Variants in TXNL4B observed in about 807,000 individuals in gnomAD.
The protein encoded by TXNL4B is thioredoxin-like protein 4B.
TXNL4B carries 12 observed loss-of-function variants against 13.0 expected under a neutral mutation model. That is an observed-to-expected ratio of 0.92 (90% confidence interval 0.59 to 1.49). TXNL4B has a LOEUF of 1.49. Ranked by LOEUF, TXNL4B falls within the 40% of genes most tolerant of loss-of-function variation. TXNL4B has a pLI of 0.00. For missense variants in TXNL4B, 214 were observed against 173.6 expected, an observed-to-expected ratio of 1.23 and a Z score of -1.31; for synonymous variants, 59 against 58.9, an observed-to-expected ratio of 1.00 and a Z score of -0.01.
upstream of TXNL4B, chr16:72,094,025 AG>A (rs966903505): frequency 6.6e-6 from 1 of 152,336 alleles, no homozygotes; most frequent in African/African-American, 2.4e-5. Context: ...CCGGGACAGA[AG>A]GGTCCCAAGA....
Position 72,085,035 on chromosome 16 carries a change from T to C in TXNL4B, c.*1602A>G, listed in dbSNP as rs1284881366. The C allele has an allele frequency of 1.0e-5, 4 of 398,452 alleles. No homozygotes were observed. Among genetic ancestry groups the C allele is most frequent in the Non-Finnish European group, 1.3e-5 (3 of 226,054 alleles). 24.7% of individuals were successfully genotyped at this position (398,452 alleles called of 1,614,324 possible). On this transcript the variant is annotated 3_prime_UTR_variant, in exon 4 of 4. Transcript: ENST00000268483. ...ATGGCTGTTGTAGCTCCATGCATCA[T>C]GATTAAACCAGAGACAGGAAGTGTA...
At chr16:72,086,832 C>CT (rs2041830671) in intron 3 of TXNL4B, 30 bp from the exon 4 acceptor site, 2 of 1,468,500 alleles carry the variant, frequency 1.4e-6, no homozygotes, top group Non-Finnish European at 1.8e-6. Context: ...AACAACTGCT[C>CT]TAAGAACTTT....
At chr16:72,087,053 C>T (rs2041833344) in intron 3 of TXNL4B, among the ~76,000 whole-genome samples, 2 of 152,314 alleles carry the variant, frequency 1.3e-5, no homozygotes, top group South Asian at 4.1e-4. Flanking sequence ...CTATTGTAAT[C>T]ACAAAATCTA....
In TXNL4B at chr16:72,089,083, A is replaced by G. The variant is rs1422170860; in HGVS notation, c.188T>C (p.Val63Ala). 2.5e-6 allele frequency: 4 copies of G among 1,612,728 alleles called. No homozygotes were observed. Among genetic ancestry groups the G allele is most frequent in the Non-Finnish European group, 3.4e-6 (4 of 1,178,834 alleles). ...SKMAAIYLVD[V>A]DQTAVYTQYF... ...CTGTGTATAAACTGCAGTTTGGTCC[A>G]CATCTACCAGGTATATAGCAGCCAT... The change falls in exon 3 of 4, where the codon GTG becomes GCG. Residue 63 changes from valine to alanine, a missense_variant. Physicochemically the swap from Val to Ala is moderately conservative, Grantham distance 64. Transcript: ENST00000268483.
chr16:72,093,427 G>A lies in TXNL4B; in HGVS notation c.-98C>T, dbSNP rs1016385237. 6.6e-6 allele frequency: 1 copy of A among 152,308 alleles called. No individual in the cohort carries two copies. Among genetic ancestry groups the A allele is most frequent in the African/African-American group, 2.4e-5 (1 of 41,454 alleles). The allele number at this position is 152,308 out of a possible 1,614,324, so 9.4% of individuals were successfully genotyped here. A position where few individuals can be genotyped will look rare whatever the true frequency, so the allele number is the denominator to read the frequency against. ...TGTGGCTGTCAGCAACCACTTCTCG[G>A]AAGAGCCCGGGCGCGGACAGCTCCT... On this transcript the variant is annotated 5_prime_UTR_variant, in exon 1 of 4. Coordinates refer to ENST00000268483, the MANE Select transcript of TXNL4B (RefSeq NM_017853.3).
At position 72,086,087 on chromosome 16, in the gene TXNL4B, T is replaced by C. The variant is rs1257130845; in HGVS notation, c.*550A>G. 6.6e-6 allele frequency: 1 copy of C among 151,890 alleles called. No homozygotes were observed. The highest frequency in any genetic ancestry group is 2.4e-5 in the African/African-American group (1 of 41,332). The allele number at this position is 151,890 out of a possible 1,614,324, so 9.4% of individuals were successfully genotyped here. ...AAGGCTCCAAAATAAAACAAACTTG[T>C]CTGCTCAATTAATTATTTGAAGAGA... On this transcript the variant is annotated 3_prime_UTR_variant, in exon 4 of 4. Transcript: ENST00000268483.
chr16:72,090,753 GAAATAACCC>G lies in TXNL4B; in HGVS notation c.-13_-5del, dbSNP rs2041892924. On this transcript the variant is annotated 5_prime_UTR_variant, in exon 2 of 4. Transcript: ENST00000268483. Reference sequence around the variant, plus strand: ...GCTTGGGCAGTAGGAAGCTCATCTTGAAATAACCCAAATGTGAATCCTCACTGTCACTCC... The same window carrying G: ...GCTTGGGCAGTAGGAAGCTCATCTTGAAATGTGAATCCTCACTGTCACTCC... 2.5e-6 allele frequency: 4 copies of G among 1,613,820 alleles called. No individual in the cohort carries two copies. The South Asian group carries it at 4.4e-5, about 18-fold the overall frequency.
At chr16:72,087,933 C>T (rs563044013) in intron 3 of TXNL4B, among the ~76,000 whole-genome samples, 1 of 152,274 alleles carries the variant, frequency 6.6e-6, no homozygotes, top group African/African-American at 2.4e-5. Context: ...CATTTTTCTG[C>T]CTCAGCCTCC....
rs1383937480 is a variant in TXNL4B at position 72,090,645 on chromosome 16, A to C, written c.105T>G (p.Asp35Glu). 1 of 1,614,152 alleles carries C rather than the reference A, an allele frequency of 6.2e-7. No homozygotes were observed. Among genetic ancestry groups the C allele is most frequent in the Non-Finnish European group, 8.5e-7 (1 of 1,179,996 alleles). ...VLVLRFGRDEDPVCLQLDDIL... is the reference protein window; with the variant it reads ...VLVLRFGRDEEPVCLQLDDIL... ...TATCATCTAGCTGCAGACAGACAGG[A>C]TCTTCATCTCTCCCAAACCTGAGAA... The change falls in exon 2 of 4, where the codon GAT becomes GAG. Residue 35 changes from aspartate (D) to glutamate (E), a missense_variant. Coordinates refer to ENST00000268483, the MANE Select transcript of TXNL4B (RefSeq NM_017853.3).
upstream of TXNL4B, chr16:72,094,122 C>G (rs2041968642): frequency 1.3e-5 from 2 of 152,634 alleles, no homozygotes; most frequent in South Asian, 4.1e-4. Flanking sequence ...GGATATTGGT[C>G]CCCTGCTCAG....
In TXNL4B at chr16:72,086,566, C is replaced by T; in HGVS notation, c.*71G>A. ...ACATGTTTCCAAAGGACTCCAGAAACACAGCACAGCTGGATTCAGGTACTG... is the reference window on the plus strand; with the variant it reads ...ACATGTTTCCAAAGGACTCCAGAAATACAGCACAGCTGGATTCAGGTACTG... On this transcript the variant is annotated 3_prime_UTR_variant, in exon 4 of 4. Transcript: ENST00000268483. 4 of 1,450,852 alleles carry T rather than the reference C, an allele frequency of 2.8e-6. No individual in the cohort carries two copies. Among genetic ancestry groups the T allele is most frequent in the East Asian group, 4.6e-5 (2 of 43,466 alleles). 89.9% of individuals were successfully genotyped at this position (1,450,852 alleles called of 1,614,324 possible).
rs912278503 is a variant in TXNL4B at position 72,085,331 on chromosome 16, C to G, written c.*1306G>C. On this transcript the variant is annotated 3_prime_UTR_variant, in exon 4 of 4. Transcript: ENST00000268483. ...GGTGGTCAGCGGCTGCTAGGCAGGT[C>G]ACAAGCTGCCTCACCCATGGCTCTC... is the stretch of plus-strand genomic sequence containing the variant. 2.7e-5 allele frequency: 7 copies of G among 263,404 alleles called. 1 individual carries two copies. The Admixed American group carries it at 2.7e-4, about 10-fold the overall frequency. 16.3% of individuals were successfully genotyped at this position (263,404 alleles called of 1,614,324 possible). A position where few individuals can be genotyped will look rare whatever the true frequency, so the allele number is the denominator to read the frequency against.
Position 72,090,667 on chromosome 16 carries a change from A to G in TXNL4B, c.83T>C (p.Leu28Pro). 1.2e-6 allele frequency: 2 copies of G among 1,614,214 alleles called. No individual in the cohort carries two copies. Among genetic ancestry groups the G allele is most frequent in the Non-Finnish European group, 1.7e-6 (2 of 1,180,038 alleles). ...AGGATCTTCATCTCTCCCAAACCTG[A>G]GAACCAACACCTTCTCAGCAGTACT... ...IKSTAEKVLV[L>P]RFGRDEDPVC... The change falls in exon 2 of 4, where the codon CTC (leucine) becomes CCC (proline). Residue 28 changes from leucine to proline, a missense_variant. By Grantham distance (98) the Leu-to-Pro change is moderately conservative. Transcript: ENST00000268483.
At chr16:72,087,739 AC>A (rs1393535862) in intron 3 of TXNL4B, among the ~76,000 whole-genome samples, 1 of 151,954 alleles carries the variant, frequency 6.6e-6, no homozygotes, top group Non-Finnish European at 1.5e-5. Context: ...TTCTCTGCTC[AC>A]TGCAACCTCC....
chr16:72,088,958 G>A, intron 3 of TXNL4B, 29 bp downstream of exon 3: 1 of 1,562,006 alleles, frequency 6.4e-7, no homozygotes, highest in Non-Finnish European at 8.7e-7. Flanking sequence ...TTACAAGGTT[G>A]CAATTAACTT....
Position 72,086,612 on chromosome 16 carries a change from T to A in TXNL4B, c.*25A>T. On this transcript the variant is annotated 3_prime_UTR_variant, in exon 4 of 4. Coordinates refer to ENST00000268483, the MANE Select transcript of TXNL4B (RefSeq NM_017853.3). ...TACTGTGTCAAGATGTGCCTTCTTC[T>A]TCATCTTTGACAGCAATTAATGTAC... is the stretch of plus-strand genomic sequence containing the variant. 6 of 1,597,290 alleles carry A rather than the reference T, an allele frequency of 3.8e-6. No individual in the cohort carries two copies. Among genetic ancestry groups the A allele is most frequent in the Non-Finnish European group, 4.3e-6 (5 of 1,166,132 alleles).
At chr16:72,091,029 T>G (rs1567598388) in intron 1 of TXNL4B, among the ~76,000 whole-genome samples, 1 of 152,218 alleles carries the variant, frequency 6.6e-6, no homozygotes, top group Non-Finnish European at 1.5e-5. Flanking sequence ...AGTTTTGTTA[T>G]GCATTCACCA....
Position 72,090,014 on chromosome 16 carries a change from C to T in TXNL4B, c.132+604G>A, listed in dbSNP as rs908271663. ...ATGACTGAGGGTAGAATCCTCTGGT[C>T]CTTTTTTCCCCAAGCTAACACATCA... On this transcript the variant is annotated intron_variant, in intron 2 of 3. Transcript: ENST00000268483. 2.5e-5 allele frequency: 11 copies of T among 445,970 alleles called. No individual in the cohort carries two copies. In the East Asian group the frequency reaches 6.3e-4, roughly 26 times the overall value. The allele number at this position is 445,970 out of a possible 1,614,324, so 27.6% of individuals were successfully genotyped here.
intron 2 of TXNL4B, among the ~76,000 whole-genome samples, 185 bp downstream of exon 2, chr16:72,090,432 GA>G (rs2041887907): frequency 6.6e-6 from 1 of 152,174 alleles, no homozygotes; most frequent in Non-Finnish European, 1.5e-5. Flanking sequence ...GGACATCCAA[GA>G]CAGATTCAGC....
Sources: gnomAD v4.1 joint callset for allele counts (sites outside exome capture counted in the v4.1 genomes callset) on GRCh38, gnomAD v4.1.1 for gene constraint, MANE v1.5 for transcripts, NCBI Gene and HGNC (gene_info 2026-07-23, HGNC 2026-07-21) for gene names.